LPP: variants seen among roughly 807,000 people sequenced by gnomAD.
The protein encoded by LPP is lipoma-preferred partner.
A neutral mutation model predicts 60.4 loss-of-function variants in LPP; 38 were observed. The observed-to-expected ratio is 0.63, with a 90% CI of 0.49 to 0.83. LPP has a LOEUF of 0.83. LPP is among the 40% of genes least tolerant of loss of function. The pLI is 0.00. For missense variants in LPP, 902 were observed against 783.6 expected (o/e 1.15, Z -1.80); for synonymous variants, 328 against 290.8 (o/e 1.13, Z -1.30).
chr3:188,512,104 G>A (rs1022730019), intron 5 of LPP, among the ~76,000 whole-genome samples: 5 of 152,100 alleles, frequency 3.3e-5, no homozygotes, highest in South Asian at 2.1e-4. Flanking sequence ...ATGGAATAGC[G>A]ACGTAAATTC....
At chr3:188,560,398 C>T (rs975051068) in intron 6 of LPP, among the ~76,000 whole-genome samples, 6 of 152,104 alleles carry the variant, frequency 3.9e-5, no homozygotes, top group South Asian at 2.1e-4. Context: ...AGCAGCAATG[C>T]GATGTCAATG....
At chr3:188,794,066 T>C (rs944718483) in intron 9 of LPP, among the ~76,000 whole-genome samples, 5 of 152,256 alleles carry the variant, frequency 3.3e-5, no homozygotes, top group African/African-American at 1.2e-4. Flanking sequence ...GAGAGGTCTC[T>C]GTAAGCATAT....
At chr3:188,619,326 G>A (rs796249217) in intron 7 of LPP, among the ~76,000 whole-genome samples, 7 of 152,254 alleles carry the variant, frequency 4.6e-5, no homozygotes, top group African/African-American at 1.7e-4. Flanking sequence ...CGCCTGGACA[G>A]AAACCATGCT....
chr3:188,752,501 G>A (rs369162528), intron 8 of LPP, among the ~76,000 whole-genome samples: 4 of 152,132 alleles, frequency 2.6e-5, no homozygotes, highest in African/African-American at 7.2e-5. Flanking sequence ...ATGCAAAACA[G>A]GGTTGTTTTT....
At chr3:188,430,902 T>C (rs151286824) in intron 4 of LPP, among the ~76,000 whole-genome samples, 4 of 152,262 alleles carry the variant, frequency 2.6e-5, no homozygotes, top group African/African-American at 7.2e-5. Context: ...ATTCATTGAA[T>C]TATTACATAA....
At chr3:188,816,346 C>T (rs1011948199) in intron 9 of LPP, among the ~76,000 whole-genome samples, 7 of 151,942 alleles carry the variant, frequency 4.6e-5, no homozygotes, top group Admixed American at 1.3e-4. Flanking sequence ...GGACTACAGG[C>T]GCCCACCACC....
chr3:188,833,459 G>C (rs1757590478), intron 9 of LPP, among the ~76,000 whole-genome samples: 1 of 152,140 alleles, frequency 6.6e-6, no homozygotes, highest in Non-Finnish European at 1.5e-5. Context: ...GTGGAGCGTT[G>C]GATCCTAGAG....
intron 1 of LPP, among the ~76,000 whole-genome samples, chr3:188,203,209 T>G (rs1731603188): frequency 7.5e-6 from 1 of 133,884 alleles, no homozygotes; most frequent in Non-Finnish European, 1.5e-5. Context: ...TATATTAAAT[T>G]ATAATACAGC....
Position 188,435,022 on chromosome 3 carries a change from C to T in LPP, c.193+28709C>T, listed in dbSNP as rs558569652. Among the ~76,000 whole-genome samples, 258 of 152,118 alleles carry T rather than the reference C, an allele frequency of 1.7e-3. 2 individuals are homozygous for T. The highest frequency in any genetic ancestry group is 5.7e-3 in the African/African-American group (238 of 41,490). Reference sequence around the variant, plus strand: ...CAGTGTGGTATAGGAGTATACCATGCGCACATATAAACATAATTCGAAGAA... The same window carrying T: ...CAGTGTGGTATAGGAGTATACCATGTGCACATATAAACATAATTCGAAGAA... On this transcript the variant is annotated intron_variant, in intron 4 of 11. Coordinates refer to ENST00000617246, the MANE Select transcript of LPP (RefSeq NM_001375462.1).
rs148151207 is a variant in LPP, at chr3:188,657,258, GTATA to G, written c.1113+47434_1113+47437del. ...ATAAGTTTTCAAGAGCTGTCAAGGT[GTATA>G]TATATATATATATATATATTTCCAA... On this transcript the variant is annotated intron_variant, in intron 7 of 11. Transcript: ENST00000617246. Among the ~76,000 whole-genome samples, 409 of 89,834 alleles carry G rather than the reference GTATA, an allele frequency of 4.6e-3. 18 individuals carry two copies. The East Asian group carries it at 0.11, about 23-fold the overall frequency. 58.9% of individuals were successfully genotyped at this position (89,834 alleles called of 152,430 possible).
At chr3:188,860,926 G>A (rs1015381537) in intron 9 of LPP, among the ~76,000 whole-genome samples, 7 of 152,172 alleles carry the variant, frequency 4.6e-5, no homozygotes, top group African/African-American at 1.4e-4. Context: ...TCCATATAAT[G>A]TGATGTAGCA....
At chr3:188,510,808 T>G (rs1330035057) in intron 5 of LPP, among the ~76,000 whole-genome samples, 5 of 152,224 alleles carry the variant, frequency 3.3e-5, no homozygotes, top group African/African-American at 1.2e-4. Flanking sequence ...TAAATACTTG[T>G]TCTCCATTTA....
chr3:188,220,604 G>A lies in LPP; in HGVS notation c.-189-4801G>A, dbSNP rs547581470. On this transcript the variant is annotated intron_variant, in intron 1 of 11. Transcript: ENST00000617246. ...CTTCAGGCACATAGAGTACAAGCTGGGTAGGCCTCTGGCTCCTGCTTAAGA... is the reference window on the plus strand; with the variant it reads ...CTTCAGGCACATAGAGTACAAGCTGAGTAGGCCTCTGGCTCCTGCTTAAGA... Among the ~76,000 whole-genome samples, 13 of 152,302 alleles carry A rather than the reference G, an allele frequency of 8.5e-5. 1 individual carries two copies. The South Asian group carries it at 1.5e-3, about 17-fold the overall frequency.
chr3:188,355,376 G>A (rs1030520224), intron 3 of LPP, among the ~76,000 whole-genome samples: 1 of 152,084 alleles, frequency 6.6e-6, no homozygotes. Context: ...AAGGTAAAAC[G>A]CCCTGGTAAA....
chr3:188,623,621 T>G (rs1846232879), intron 7 of LPP, among the ~76,000 whole-genome samples: 1 of 152,234 alleles, frequency 6.6e-6, no homozygotes, highest in African/African-American at 2.4e-5. Flanking sequence ...AAAAATTATT[T>G]GCTGAAGACT....
At chr3:188,158,690 T>C (rs940085015) in intron 1 of LPP, among the ~76,000 whole-genome samples, 3 of 152,228 alleles carry the variant, frequency 2.0e-5, no homozygotes, top group African/African-American at 7.2e-5. Flanking sequence ...GGTTTTTTGA[T>C]TACCAGTCTC....
chr3:188,795,543 C>A (rs1372553016), intron 9 of LPP, among the ~76,000 whole-genome samples: 1 of 152,188 alleles, frequency 6.6e-6, no homozygotes, highest in Admixed American at 6.5e-5. Context: ...AAATGTAAAA[C>A]AGTGTTCCTT....
At chr3:188,418,826 A>C (rs556499901) in intron 4 of LPP, among the ~76,000 whole-genome samples, 1 of 152,254 alleles carries the variant, frequency 6.6e-6, no homozygotes, top group East Asian at 1.9e-4. Flanking sequence ...ACCATTTGGA[A>C]TTTTCCTTAG....
chr3:188,708,414 A>T (rs770598177), intron 8 of LPP, 21 bp downstream of exon 8: 8 of 1,614,042 alleles, frequency 5.0e-6, no homozygotes, highest in Non-Finnish European at 6.8e-6. Context: ...CCTAGAGCTG[A>T]CTTCTGAAGT....
Sources: gnomAD v4.1 joint callset for allele counts (sites outside exome capture counted in the v4.1 genomes callset) on GRCh38, gnomAD v4.1.1 for gene constraint, MANE v1.5 for transcripts, NCBI Gene and HGNC (gene_info 2026-07-23, HGNC 2026-07-21) for gene names.